The following CCAR1 variants were observed in gnomAD, a reference collection of about 807,000 sequenced individuals.
CCAR1 encodes the protein cell division cycle and apoptosis regulator 1, also known as cell division cycle and apoptosis regulator protein 1.
A neutral mutation model predicts 163.8 loss-of-function variants in CCAR1; 78 were observed. The ratio of observed to expected loss-of-function variants is 0.48; its 90% CI spans 0.40 to 0.57. The LOEUF is 0.57. Ranked by LOEUF, CCAR1 falls within the 20% of genes least tolerant of loss-of-function variation. CCAR1 has a pLI of 0.00. For missense variants in CCAR1, 1,019 were observed against 1,365.2 expected (o/e 0.75, Z 4.00); for synonymous variants, 443 against 460.7 (o/e 0.96, Z 0.49).
At chr10:68,754,226 A>G in intron 11 of CCAR1, 149 bp downstream of exon 11, 2 of 545,836 alleles carry the variant, frequency 3.7e-6, no homozygotes, top group Admixed American at 3.3e-5. Flanking sequence ...TTGGTTACAT[A>G]ATTTAATTTA....
chr10:68,739,625 A>T (rs1224051145), intron 4 of CCAR1, among the ~76,000 whole-genome samples: 11 of 152,208 alleles, frequency 7.2e-5, no homozygotes, highest in Non-Finnish European at 1.2e-4. Context: ...AACTGACAAG[A>T]GACTGGTCTC....
At chr10:68,759,846 A>T (rs1566222) in intron 15 of CCAR1, among the ~76,000 whole-genome samples, 134,282 of 152,178 alleles carry the variant, frequency 0.88, 59,357 homozygotes, top group African/African-American at 0.92. Context: ...ATATACAGAT[A>T]TTTCTTAGGT....
intron 19 of CCAR1, among the ~76,000 whole-genome samples, chr10:68,779,965 GA>G (rs890791155): frequency 1.3e-5 from 2 of 152,034 alleles, no homozygotes; most frequent in African/African-American, 4.8e-5. Flanking sequence ...TATATATGGG[GA>G]AAAAATAGGA....
At chr10:68,778,193 G>T (rs954707829) in intron 19 of CCAR1, among the ~76,000 whole-genome samples, 2 of 152,114 alleles carry the variant, frequency 1.3e-5, no homozygotes, top group Admixed American at 1.3e-4. Flanking sequence ...TCCAGCCTGG[G>T]TGACAAAGCA....
At chr10:68,773,640 T>A (rs1280021377) in intron 19 of CCAR1, among the ~76,000 whole-genome samples, 14 of 151,652 alleles carry the variant, frequency 9.2e-5, no homozygotes, top group Admixed American at 9.2e-4. Flanking sequence ...CACTCCAGTC[T>A]GGGCAATAGA....
intron 15 of CCAR1, 28 bp from the exon 16 acceptor site, chr10:68,760,979 T>C (rs767731728): frequency 1.6e-5 from 21 of 1,279,690 alleles, no homozygotes; most frequent in African/African-American, 3.1e-5. Flanking sequence ...CTTTTTTTTT[T>C]CCGTGTTTTT....
chr10:68,778,187 G>A (rs1470539597), intron 19 of CCAR1, among the ~76,000 whole-genome samples: 1 of 152,174 alleles, frequency 6.6e-6, no homozygotes. Context: ...CTACGTTCCA[G>A]CCTGGGTGAC....
chr10:68,780,946 A>T (rs1431972336), intron 19 of CCAR1, among the ~76,000 whole-genome samples: 1 of 152,114 alleles, frequency 6.6e-6, no homozygotes, highest in Admixed American at 6.6e-5. Flanking sequence ...AATTAGGCCA[A>T]TTGTGCCAGG....
intron 17 of CCAR1, among the ~76,000 whole-genome samples, chr10:68,769,772 T>C (rs549301718): frequency 1.4e-3 from 207 of 149,846 alleles, no homozygotes; most frequent in Non-Finnish European, 2.4e-3. Context: ...AAACCTCGTC[T>C]CTACTAAAAA....
chr10:68,723,867 G>A lies in CCAR1; in HGVS notation c.73+1290G>A, dbSNP rs575467774. Among the ~76,000 whole-genome samples, 408 of 146,844 alleles carry A rather than the reference G, an allele frequency of 2.8e-3. 3 individuals carry two copies. Among genetic ancestry groups the A allele is most frequent in the African/African-American group, 9.6e-3 (381 of 39,654 alleles). Reference sequence around the variant, plus strand: ...CATCTCAAAAAGAAAAAAAAAAAAAGGTAAATTTAGGCTGGGCGCGGTGGC... The same window carrying A: ...CATCTCAAAAAGAAAAAAAAAAAAAAGTAAATTTAGGCTGGGCGCGGTGGC... On this transcript the variant is annotated intron_variant, in intron 2 of 24. Coordinates refer to ENST00000265872, the MANE Select transcript of CCAR1 (RefSeq NM_018237.4).
Position 68,788,144 on chromosome 10 carries a change from A to G in CCAR1, c.3003A>G (p.Gly1001=). 13 of 1,558,228 alleles carry G rather than the reference A, an allele frequency of 8.3e-6. No individual in the cohort carries two copies. Among genetic ancestry groups the G allele is most frequent in the Non-Finnish European group, 1.1e-5 (13 of 1,158,180 alleles). The stretch of plus-strand genomic sequence containing the variant: ...AATATGGTATATTTTATATTATAGG[A>G]AACAGATTATTACTTCCAACACCAA... ...ESESLQEDML[G]NRLLLPTPTV... Residue 1001 remains glycine (G), a splice_region_variant and synonymous_variant, in exon 23 of 25, where the codon GGA becomes GGG. Coordinates refer to ENST00000265872, the MANE Select transcript of CCAR1 (RefSeq NM_018237.4).
chr10:68,781,761 G>A (rs1010689005), intron 19 of CCAR1, among the ~76,000 whole-genome samples: 1 of 151,944 alleles, frequency 6.6e-6, no homozygotes, highest in Non-Finnish European at 1.5e-5. Flanking sequence ...TGAGGTAGGA[G>A]GATCTGTTGA....
chr10:68,762,907 C>G (rs190920459), intron 16 of CCAR1, among the ~76,000 whole-genome samples: 1 of 151,966 alleles, frequency 6.6e-6, no homozygotes, highest in Admixed American at 6.6e-5. Flanking sequence ...ACCAAATGAA[C>G]TAAGTGAAAC....
At chr10:68,785,681 C>A (rs1027751706) in intron 19 of CCAR1, among the ~76,000 whole-genome samples, 3 of 152,120 alleles carry the variant, frequency 2.0e-5, no homozygotes, top group African/African-American at 7.2e-5. Flanking sequence ...AGTTGTACAA[C>A]CATCACCACA....
rs1233182294 is a variant in CCAR1, at chr10:68,789,749, A to G, written c.3227A>G (p.Asn1076Ser). The part of the protein sequence containing the change: ...EKTILNLENS[N>S]KSLSGELREV... ...ACCATATTAAATTTGGAGAATTCCA[A>G]CAAAAGCCTCTCTGGTGAACTCAGA... Residue 1076 changes from asparagine (N) to serine (S), a missense_variant, in exon 24 of 25, where the codon AAC (asparagine) becomes AGC (serine). By Grantham distance (46) the Asn-to-Ser change is conservative. Around this residue, in one of 4 missense-constraint regions of CCAR1, gnomAD observed 358 missense variants for 406.4 expected, o/e 0.88. Coordinates refer to ENST00000265872, the MANE Select transcript of CCAR1 (RefSeq NM_018237.4). 6.3e-7 allele frequency: 1 copy of G among 1,594,556 alleles called. No individual in the cohort carries two copies. The highest frequency in any genetic ancestry group is 2.2e-5 in the East Asian group (1 of 44,572).
At chr10:68,763,152 T>C (rs2056494744) in intron 16 of CCAR1, among the ~76,000 whole-genome samples, 1 of 152,142 alleles carries the variant, frequency 6.6e-6, no homozygotes, top group South Asian at 2.1e-4. Context: ...TTTATTTGTT[T>C]ATTTATTTAT....
chr10:68,729,975 A>T (rs1047296736), intron 2 of CCAR1, among the ~76,000 whole-genome samples: 1 of 151,768 alleles, frequency 6.6e-6, no homozygotes, highest in Non-Finnish European at 1.5e-5. Flanking sequence ...GCTGGAGTGC[A>T]GTGGTACAAT....
At chr10:68,779,078 T>C (rs926949114) in intron 19 of CCAR1, among the ~76,000 whole-genome samples, 3 of 151,986 alleles carry the variant, frequency 2.0e-5, no homozygotes, top group Admixed American at 6.6e-5. Flanking sequence ...CTTCTGACCT[T>C]GTGATCCGCC....
chr10:68,757,265 G>C (rs771959115), intron 14 of CCAR1, 29 bp from the exon 15 acceptor site: 1 of 1,126,924 alleles, frequency 8.9e-7, no homozygotes, highest in South Asian at 1.3e-5. Flanking sequence ...TTTCATAATA[G>C]TAATTACATT....
Sources: gnomAD v4.1 joint callset for allele counts (sites outside exome capture counted in the v4.1 genomes callset) on GRCh38, gnomAD v4.1.1 for gene constraint, gnomAD v4.1.1 regional missense constraint, MANE v1.5 for transcripts, NCBI Gene and HGNC (gene_info 2026-07-23, HGNC 2026-07-21) for gene names.